The following PDHX variants were observed in gnomAD, a reference collection of about 807,000 sequenced individuals.
The protein encoded by PDHX is pyruvate dehydrogenase protein X component, mitochondrial.
A neutral mutation model predicts 55.3 loss-of-function variants in PDHX; 33 were observed. The observed-to-expected ratio is 0.60, with a 90% confidence interval of 0.45 to 0.80. The LOEUF is 0.80. PDHX is among the 30% of genes least tolerant of loss of function. PDHX has a pLI of 0.00. For missense variants in PDHX, 622 were observed against 619.9 expected (o/e 1.00, Z -0.04); for synonymous variants, 226 against 219.4 (o/e 1.03, Z -0.27).
chr11:34,956,517 C>G (rs1320742009), intron 3 of PDHX, among the ~76,000 whole-genome samples: 1 of 152,070 alleles, frequency 6.6e-6, no homozygotes, highest in Non-Finnish European at 1.5e-5. Flanking sequence ...ATGACATTTT[C>G]TTCCAGGAGT....
chr11:34,923,489 C>T (rs192501448), intron 1 of PDHX, among the ~76,000 whole-genome samples: 1 of 152,126 alleles, frequency 6.6e-6, no homozygotes, highest in African/African-American at 2.4e-5. Flanking sequence ...TCAGATCTCC[C>T]TGTAATTTGT....
At chr11:34,973,299 T>C (rs1281453185) in intron 7 of PDHX, among the ~76,000 whole-genome samples, 2 of 152,218 alleles carry the variant, frequency 1.3e-5, no homozygotes, top group Admixed American at 1.3e-4. Flanking sequence ...TTTTTACTTT[T>C]TAAATGTAAA....
chr11:34,992,145 T>C lies in PDHX; in HGVS notation c.1183-170T>C, dbSNP rs986174893. On this transcript the variant is annotated intron_variant, in intron 9 of 10. Transcript: ENST00000227868. ...TTAACAGCTTTAGTTTCTTGAATTA[T>C]CTGTGCTCTTGTTTGTTCTTATAAT... Among the ~76,000 whole-genome samples the C allele has an allele frequency of 3.9e-5, 6 of 152,178 alleles. No individual in the cohort carries two copies. In the South Asian group the frequency reaches 6.2e-4, roughly 16 times the overall value.
chr11:34,928,558 G>A (rs985915222), intron 1 of PDHX, among the ~76,000 whole-genome samples: 2 of 150,114 alleles, frequency 1.3e-5, no homozygotes, highest in Non-Finnish European at 3.0e-5. Flanking sequence ...CATTCTTTAA[G>A]CAACTGTTTT....
intron 6 of PDHX, 130 bp downstream of exon 6, chr11:34,966,944 C>T (rs1362642392): frequency 7.8e-6 from 6 of 766,558 alleles, no homozygotes; most frequent in Non-Finnish European, 1.3e-5. Context: ...CTCTGCCTCC[C>T]AAGTTCAAGT....
At chr11:34,964,800 AGC>A (rs1590755494) in intron 5 of PDHX, among the ~76,000 whole-genome samples, 3 of 149,708 alleles carry the variant, frequency 2.0e-5, no homozygotes, top group East Asian at 3.9e-4. Flanking sequence ...ATTAGCTATT[AGC>A]ATAACTAATA....
intron 9 of PDHX, among the ~76,000 whole-genome samples, chr11:34,986,754 G>A (rs1855654154): frequency 6.6e-6 from 1 of 152,136 alleles, no homozygotes; most frequent in African/African-American, 2.4e-5. Flanking sequence ...ACAGCAATGG[G>A]AAGGGCAGTC....
rs147232238 is a variant in PDHX at position 34,972,062 on chromosome 11, A to G, written c.964+1776A>G. Among the ~76,000 whole-genome samples, 16 of 152,174 alleles carry G rather than the reference A, an allele frequency of 1.1e-4. 2 individuals are homozygous for G. The highest frequency in any genetic ancestry group is 3.6e-4 in the African/African-American group (15 of 41,544). On this transcript the variant is annotated intron_variant, in intron 7 of 10. Transcript: ENST00000227868. ...CTTATTATACTGTCATTTTATCTGA[A>G]GTAATGTTTCTGTTTTTGACATTAG...
intron 4 of PDHX, 70 bp downstream of exon 4, chr11:34,957,653 C>A: frequency 1.6e-6 from 2 of 1,218,234 alleles, no homozygotes; most frequent in South Asian, 1.2e-5. Flanking sequence ...GAATTGTAAT[C>A]ATTATCATAT....
In PDHX at chr11:34,970,259, T is replaced by C; in HGVS notation, c.937T>C (p.Leu313=). 2 of 1,613,886 alleles carry C rather than the reference T, an allele frequency of 1.2e-6. No individual in the cohort carries two copies. Among genetic ancestry groups the C allele is most frequent in the Non-Finnish European group, 1.7e-6 (2 of 1,179,838 alleles). Residue 313 remains leucine (L), a synonymous_variant, in exon 7 of 11, where the codon TTA becomes CTA. Coordinates refer to ENST00000227868, the MANE Select transcript of PDHX (RefSeq NM_003477.3). ...TGCTGACTGTGACCTTGGAGCTGTT[T>C]TAAAAGTTAGGCAAGATCTGGTCAA... ...ATADCDLGAV[L]KVRQDLVKDD... is the part of the protein sequence containing the mutation.
At chr11:34,952,210 C>A (rs1367573602) in intron 3 of PDHX, among the ~76,000 whole-genome samples, 1 of 152,052 alleles carries the variant, frequency 6.6e-6, no homozygotes, top group Admixed American at 6.6e-5. Context: ...AGCTTACCAA[C>A]CAAAAAGAGT....
chr11:34,980,636 AT>A, intron 8 of PDHX, among the ~76,000 whole-genome samples: 1 of 152,072 alleles, frequency 6.6e-6, no homozygotes, highest in Non-Finnish European at 1.5e-5. Flanking sequence ...ACATAATGAT[AT>A]TGTTGAATGA....
chr11:34,982,699 T>TA (rs1855544637), intron 8 of PDHX, among the ~76,000 whole-genome samples: 1 of 152,088 alleles, frequency 6.6e-6, no homozygotes, highest in African/African-American at 2.4e-5. Context: ...CCTCGACACA[T>TA]ACACCCTCCC....
At chr11:34,919,802 G>C (rs900513325) in intron 1 of PDHX, among the ~76,000 whole-genome samples, 2 of 152,172 alleles carry the variant, frequency 1.3e-5, no homozygotes, top group Non-Finnish European at 2.9e-5. Context: ...TCTATTAGGT[G>C]CCAGGCACAT....
Position 34,995,213 on chromosome 11 carries a change from A to G in PDHX, c.*41A>G. ...AGTTGGTGTTCAGCTTAGTTGATTCAGTAGTTGTTACCAAGAAACATATGT... is the reference window on the plus strand; with the variant it reads ...AGTTGGTGTTCAGCTTAGTTGATTCGGTAGTTGTTACCAAGAAACATATGT... On this transcript the variant is annotated 3_prime_UTR_variant, in exon 11 of 11. Coordinates refer to ENST00000227868, the MANE Select transcript of PDHX (RefSeq NM_003477.3). 1 of 1,605,118 alleles carries G rather than the reference A, an allele frequency of 6.2e-7. No individual in the cohort carries two copies. The highest frequency in any genetic ancestry group is 8.5e-7 in the Non-Finnish European group (1 of 1,172,936).
At chr11:34,981,655 AG>A (rs1295318493) in intron 8 of PDHX, among the ~76,000 whole-genome samples, 1 of 152,096 alleles carries the variant, frequency 6.6e-6, no homozygotes, top group African/African-American at 2.4e-5. Context: ...CATCCTCTCC[AG>A]CACCTGTTGT....
chr11:34,977,677 G>T (rs572898477), intron 7 of PDHX: 1 of 437,752 alleles, frequency 2.3e-6, no homozygotes, highest in African/African-American at 2.0e-5. Flanking sequence ...CACTGTTCTA[G>T]TATAATCAGT....
At chr11:34,976,457 T>C (rs1199739600) in intron 7 of PDHX, among the ~76,000 whole-genome samples, 2 of 152,214 alleles carry the variant, frequency 1.3e-5, no homozygotes, top group East Asian at 3.8e-4. Context: ...AGATTTGAGA[T>C]GCTTGTAAGC....
At chr11:34,978,251 A>T in intron 8 of PDHX, 69 bp downstream of exon 8, 1 of 880,728 alleles carries the variant, frequency 1.1e-6, no homozygotes, top group South Asian at 1.4e-5. Flanking sequence ...TTACAATGAC[A>T]AATAGAACTC....
Sources: gnomAD v4.1 joint callset for allele counts (sites outside exome capture counted in the v4.1 genomes callset) on GRCh38, gnomAD v4.1.1 for gene constraint, MANE v1.5 for transcripts, NCBI Gene and HGNC (gene_info 2026-07-23, HGNC 2026-07-21) for gene names.